DRD4: variants seen among roughly 807,000 people sequenced by gnomAD.
The protein encoded by DRD4 is D(4) dopamine receptor.
In DRD4, 26 loss-of-function variants were observed where a neutral mutation model predicts 22.1. The ratio of observed to expected loss-of-function variants is 1.17; its 90% CI spans 0.86 to 1.63. DRD4 has a LOEUF of 1.63. Among genes scored for constraint, DRD4 ranks in the 40% most tolerant of loss-of-function variants. The pLI, the probability that DRD4 is intolerant of heterozygous loss-of-function variation, is 0.00. For synonymous variants in DRD4, 455 were observed against 306.7 expected (o/e 1.48, Z -5.05); for missense variants, 913 against 632.4 (o/e 1.44, Z -4.76).
chr11:638,014 C>A (rs982482988), intron 1 of DRD4, among the ~76,000 whole-genome samples: 6 of 152,168 alleles, frequency 3.9e-5, no homozygotes, highest in African/African-American at 1.2e-4. Flanking sequence ...CTGCCACAGC[C>A]ACTGCCCACC....
chr11:639,733 C>A lies in DRD4; in HGVS notation c.484C>A (p.Leu162Met), dbSNP rs748924787. 1.3e-6 allele frequency: 2 copies of A among 1,523,676 alleles called. No individual in the cohort carries two copies. Among genetic ancestry groups the A allele is most frequent in the East Asian group, 2.6e-5 (1 of 38,724 alleles). 94.4% of individuals were successfully genotyped at this position (1,523,676 alleles called of 1,614,324 possible). ...GCTGCTCATCGGCGCCACGTGGCTG[C>A]TGTCCGCGGCGGTGGCGGCGCCCGT... Reference protein sequence around the residue: ...QLLLIGATWLLSAAVAAPVLC... With the variant: ...QLLLIGATWLMSAAVAAPVLC... The change falls in exon 3 of 4, where the codon CTG (leucine) becomes ATG (methionine). Residue 162 changes from leucine to methionine, a missense_variant. Transcript: ENST00000176183.
rs373242165 is a variant in DRD4 at position 640,537 on chromosome 11, C to T, written c.1194C>T (p.Val398=). ...ACGTCAACAGCGCCCTCAACCCCGTCATCTACACTGTCTTCAACGCCGAGT... is the reference window on the plus strand; with the variant it reads ...ACGTCAACAGCGCCCTCAACCCCGTTATCTACACTGTCTTCAACGCCGAGT... The part of the protein sequence containing the change: ...LGYVNSALNP[V]IYTVFNAEFR... The change falls in exon 4 of 4, where the codon GTC becomes GTT. Residue 398 remains valine, a synonymous_variant. Coordinates refer to ENST00000176183, the MANE Select transcript of DRD4 (RefSeq NM_000797.4). 9.7e-5 allele frequency: 155 copies of T among 1,596,260 alleles called. No individual in the cohort carries two copies. Among genetic ancestry groups the T allele is most frequent in the Admixed American group, 2.0e-4 (12 of 59,670 alleles).
rs781463894 is a variant in DRD4 at position 640,174 on chromosome 11, A to C, written c.925A>C (p.Asn309His). Residue 309 changes from asparagine (N) to histidine (H), a missense_variant, in exon 3 of 4, where the codon AAC becomes CAC. Transcript: ENST00000176183. ...CCTCCCCCCGGACCCCTGCGGCTCCAACTGTGCTCCCCCCGACGCCGTCAG... is the reference window on the plus strand; with the variant it reads ...CCTCCCCCCGGACCCCTGCGGCTCCCACTGTGCTCCCCCCGACGCCGTCAG... ...PGLPPDPCGS[N>H]CAPPDAVRAA... The C allele has an allele frequency of 2.0e-6, 3 of 1,493,366 alleles. No homozygotes were observed. Among genetic ancestry groups the C allele is most frequent in the African/African-American group, 1.6e-5 (1 of 62,876 alleles). 92.5% of individuals were successfully genotyped at this position (1,493,366 alleles called of 1,614,324 possible). A position where few individuals can be genotyped will look rare whatever the true frequency, so the allele number is the denominator to read the frequency against.
At position 640,429 on chromosome 11, in the gene DRD4, C is replaced by A; in HGVS notation, c.1086C>A (p.Phe362Leu). 1.9e-6 allele frequency: 3 copies of A among 1,600,736 alleles called. No individual in the cohort carries two copies. The highest frequency in any genetic ancestry group is 2.5e-6 in the Non-Finnish European group (3 of 1,179,730). ...CCTTCCTGCTGTGCTGGACGCCCTT[C>A]TTCGTGGTGCACATCACGCAGGCGC... ...VGAFLLCWTPFFVVHITQALC... is the reference protein window; with the variant it reads ...VGAFLLCWTPLFVVHITQALC... The change falls in exon 4 of 4, where the codon TTC (phenylalanine) becomes TTA (leucine). Residue 362 changes from phenylalanine (F) to leucine (L), a missense_variant. Physicochemically the swap from Phe to Leu is conservative, Grantham distance 22. Coordinates refer to ENST00000176183, the MANE Select transcript of DRD4 (RefSeq NM_000797.4).
In DRD4 at chr11:639,475, G is replaced by A. The variant is rs143594804; in HGVS notation, c.328G>A (p.Ala110Thr). Reference protein sequence around the residue: ...AWLLSPRLCDALMAMDVMLCT... With the variant: ...AWLLSPRLCDTLMAMDVMLCT... ...GCTGCTGAGCCCCCGCCTGTGCGAC[G>A]CCCTCATGGCCATGGACGTCATGCT... The change falls in exon 2 of 4, where the codon GCC becomes ACC. Residue 110 changes from alanine to threonine, a missense_variant. Ala to Thr is a moderately conservative substitution (Grantham distance 58). Transcript: ENST00000176183. The A allele has an allele frequency of 6.2e-7, 1 of 1,602,686 alleles. No individual in the cohort carries two copies. The highest frequency in any genetic ancestry group is 8.5e-7 in the Non-Finnish European group (1 of 1,178,984).
Position 639,907 on chromosome 11 carries a change from C to T in DRD4, c.658C>T (p.Gln220Ter). ...CTACTGGGCCACGTTCCGCGGCCTG[C>T]AGCGCTGGGAGGTGGCACGTCGCGC... Reference protein sequence around the residue: ...LLYWATFRGLQRWEVARRAKL... With the variant: ...LLYWATFRGL The change falls in exon 3 of 4, where the codon CAG becomes TAG. Residue 220 changes from glutamine (Q) to a stop codon, truncating the protein, a stop_gained. Transcript: ENST00000176183. LOFTEE classifies it high-confidence loss of function. 1.3e-6 allele frequency: 2 copies of T among 1,567,164 alleles called. No individual in the cohort carries two copies. The highest frequency in any genetic ancestry group is 1.7e-6 in the Non-Finnish European group (2 of 1,165,082).
In DRD4 at chr11:639,507, C is replaced by A; in HGVS notation, c.360C>A (p.Thr120=). The A allele has an allele frequency of 6.2e-7, 1 of 1,603,026 alleles. No individual in the cohort carries two copies. Residue 120 remains threonine, a synonymous_variant, in exon 2 of 4, where the codon ACC becomes ACA. Coordinates refer to ENST00000176183, the MANE Select transcript of DRD4 (RefSeq NM_000797.4). ...TGGCCATGGACGTCATGCTGTGCAC[C>A]GCCTCCATCTTCAACCTGTGCGCCA... ...ALMAMDVMLC[T]ASIFNLCAIS...
chr11:638,013 C>T (rs1010148649), intron 1 of DRD4, among the ~76,000 whole-genome samples: 2 of 152,044 alleles, frequency 1.3e-5, no homozygotes, highest in Non-Finnish European at 2.9e-5. Flanking sequence ...ACTGCCACAG[C>T]CACTGCCCAC....
In DRD4 at chr11:640,051, G is replaced by T. The variant is rs557382507; in HGVS notation, c.802G>T (p.Gly268Cys). 34,392 of 1,077,306 alleles carry T rather than the reference G, an allele frequency of 0.032. 1,522 individuals are homozygous for T. The highest frequency in any genetic ancestry group is 0.035 in the Non-Finnish European group (31,300 of 884,386). The allele number at this position is 1,077,306 out of a possible 1,614,324, so 66.7% of individuals were successfully genotyped here. A position where few individuals can be genotyped will look rare whatever the true frequency, so the allele number is the denominator to read the frequency against. ...CCCCGACTGTGCGCCCCCCGCGCCC[G>T]GCCTTCCCCGGGGTCCCTGCGGCCC... ...CGPDCAPPAP[G>C]LPRGPCGPDC... Residue 268 changes from glycine to cysteine, a missense_variant, in exon 3 of 4, where the codon GGC becomes TGC. Physicochemically the swap from Gly to Cys is radical, Grantham distance 159. Coordinates refer to ENST00000176183, the MANE Select transcript of DRD4 (RefSeq NM_000797.4).
At chr11:639,184 AT>A in intron 1 of DRD4, 2 of 519,952 alleles carry the variant, frequency 3.8e-6, no homozygotes, top group Admixed American at 6.5e-5. Flanking sequence ...GAGCTCAGGA[AT>A]TCCAGGCTAC....
At chr11:640,329 G>A (rs748678312) in intron 3 of DRD4, 23 bp downstream of exon 3, 127 of 1,541,866 alleles carry the variant, frequency 8.2e-5, no homozygotes, top group Non-Finnish European at 1.0e-4. Flanking sequence ...CCTGAGGGGC[G>A]GGGAGGAGAG....
In DRD4 at chr11:640,027, C is replaced by T. The variant is rs1370651709; in HGVS notation, c.778C>T (p.Pro260Ser). 41 of 1,200,778 alleles carry T rather than the reference C, an allele frequency of 3.4e-5. 1 individual carries two copies. The South Asian group carries it at 1.1e-3, about 33-fold the overall frequency. 74.4% of individuals were successfully genotyped at this position (1,200,778 alleles called of 1,614,324 possible). A position where few individuals can be genotyped will look rare whatever the true frequency, so the allele number is the denominator to read the frequency against. ...APRLPQDPCG[P>S]DCAPPAPGLP... is the part of the protein sequence containing the mutation. ...CCGCCTCCCCCAGGACCCCTGCGGC[C>T]CCGACTGTGCGCCCCCCGCGCCCGG... The change falls in exon 3 of 4, where the codon CCC becomes TCC. Residue 260 changes from proline (P) to serine (S), a missense_variant. By Grantham distance (74) the Pro-to-Ser change is moderately conservative (BLOSUM62 -1). Transcript: ENST00000176183.
In DRD4 at chr11:639,557, TCCCCGCCCGCG is replaced by T. The variant is rs1769154547; in HGVS notation, c.398+18_398+28del. On this transcript the variant is annotated intron_variant, in intron 2 of 3. Coordinates refer to ENST00000176183, the MANE Select transcript of DRD4 (RefSeq NM_000797.4). Reference sequence around the variant, plus strand: ...ATCAGCGTGGACAGGTGCGCCGCCCTCCCCGCCCGCGCCCCGGCGCCCCCGCGCCCCGCCCG... The same window carrying T: ...ATCAGCGTGGACAGGTGCGCCGCCCTCCCCGGCGCCCCCGCGCCCCGCCCG... The T allele has an allele frequency of 2.7e-6, 4 of 1,458,206 alleles. No homozygotes were observed. The highest frequency in any genetic ancestry group is 2.7e-5 in the South Asian group (2 of 74,136). 90.3% of individuals were successfully genotyped at this position (1,458,206 alleles called of 1,614,324 possible). A position where few individuals can be genotyped will look rare whatever the true frequency, so the allele number is the denominator to read the frequency against.
chr11:638,542 C>A (rs1470045795), intron 1 of DRD4, among the ~76,000 whole-genome samples: 1 of 152,196 alleles, frequency 6.6e-6, no homozygotes, highest in African/African-American at 2.4e-5. Flanking sequence ...GCACGGTCTT[C>A]ATATTTTTAA....
chr11:639,071 GA>G (rs1858135229), intron 1 of DRD4: 1 of 287,774 alleles, frequency 3.5e-6, no homozygotes, highest in Non-Finnish European at 6.9e-6. Context: ...CAACAAGAGC[GA>G]AACTCCGTCT....
At position 639,737 on chromosome 11, in the gene DRD4, C is replaced by A; in HGVS notation, c.488C>A (p.Ser163Tyr). 1.3e-6 allele frequency: 2 copies of A among 1,529,244 alleles called. No homozygotes were observed. The highest frequency in any genetic ancestry group is 1.4e-5 in the African/African-American group (1 of 70,190). The allele number at this position is 1,529,244 out of a possible 1,614,324, so 94.7% of individuals were successfully genotyped here. A position where few individuals can be genotyped will look rare whatever the true frequency, so the allele number is the denominator to read the frequency against. ...CTCATCGGCGCCACGTGGCTGCTGT[C>A]CGCGGCGGTGGCGGCGCCCGTACTG... Reference protein sequence around the residue: ...LLLIGATWLLSAAVAAPVLCG... With the variant: ...LLLIGATWLLYAAVAAPVLCG... The change falls in exon 3 of 4, where the codon TCC becomes TAC. Residue 163 changes from serine (S) to tyrosine (Y), a missense_variant. Transcript: ENST00000176183.
At position 639,426 on chromosome 11, in the gene DRD4, C is replaced by T. The variant is rs1435818433; in HGVS notation, c.286-7C>T. On this transcript the variant is annotated splice_polypyrimidine_tract_variant and splice_region_variant and intron_variant, in intron 1 of 3. Coordinates refer to ENST00000176183, the MANE Select transcript of DRD4 (RefSeq NM_000797.4). The stretch of plus-strand genomic sequence containing the variant: ...GAAACCTCAGGGCCTGTGGTGTCGC[C>T]GCGCAGGTCCAGGGTGGCGCGTGGC... 5.1e-6 allele frequency: 8 copies of T among 1,583,980 alleles called. No homozygotes were observed. The highest frequency in any genetic ancestry group is 1.3e-5 in the African/African-American group (1 of 74,360).
At chr11:638,350 G>T (rs1858115613) in intron 1 of DRD4, among the ~76,000 whole-genome samples, 1 of 152,192 alleles carries the variant, frequency 6.6e-6, no homozygotes, top group African/African-American at 2.4e-5. Context: ...AATCCAGGCG[G>T]CTGGGGCAGA....
At chr11:639,284 G>T in intron 1 of DRD4, 149 bp from the exon 2 acceptor site, 1 of 709,808 alleles carries the variant, frequency 1.4e-6, no homozygotes, top group Non-Finnish European at 2.4e-6. Context: ...GTGGGGAAGG[G>T]GTGTTTCCCT....
Sources: allele counts gnomAD v4.1 joint callset (sites outside exome capture counted in the v4.1 genomes callset), GRCh38; gene constraint gnomAD v4.1.1; transcripts MANE v1.5; gene names NCBI Gene and HGNC (gene_info 2026-07-23, HGNC 2026-07-21).